The following GRHL1 variants were observed in gnomAD, a reference collection of about 807,000 sequenced individuals.
The protein encoded by GRHL1 is grainyhead-like protein 1 homolog.
Under a neutral mutation model 75.7 loss-of-function variants are expected in GRHL1, and 38 were observed. The ratio of observed to expected loss-of-function variants is 0.50; its 90% CI spans 0.39 to 0.66. The LOEUF (loss-of-function observed/expected upper bound fraction) is 0.66, where lower values mean the gene tolerates loss of function less well. GRHL1 is among the 30% of genes least tolerant of loss of function. The pLI, the probability that GRHL1 is intolerant of heterozygous loss-of-function variation, is 0.00. For missense variants in GRHL1, 589 were observed against 767.5 expected, an observed-to-expected ratio of 0.77 and a Z score of 2.75; for synonymous variants, 266 against 279.4, an observed-to-expected ratio of 0.95 and a Z score of 0.48.
At position 9,983,308 on chromosome 2, in the gene GRHL1, AT is replaced by A. The variant is rs5829242; in HGVS notation, c.1111-2806del. Among the ~76,000 whole-genome samples the A allele has an allele frequency of 2.0e-4, 30 of 147,620 alleles. No homozygotes were observed. The South Asian group carries it at 2.2e-3, about 11-fold the overall frequency. ...TGTGTATTTATCTAGGCAAGGTAGC[AT>A]TTTTTTTTTAATGCTGAATTAGGAC... On this transcript the variant is annotated intron_variant, in intron 8 of 15. Transcript: ENST00000324907.
At chr2:9,993,315 G>A (rs1668724200) in intron 12 of GRHL1, 71 bp downstream of exon 12, 1 of 1,262,814 alleles carries the variant, frequency 7.9e-7, no homozygotes, top group Non-Finnish European at 1.2e-6. Context: ...AAAACTGCAA[G>A]TACAGTACAA....
In GRHL1 at chr2:9,992,574, C is replaced by T. The variant is rs997195835; in HGVS notation, c.1461+428C>T. ...TCCAGTTACTGAGCCGTCCTTGCCA[C>T]GTGTAGTTACCAATGGCCATGTCTT... On this transcript the variant is annotated intron_variant, in intron 11 of 15. Coordinates refer to ENST00000324907, the MANE Select transcript of GRHL1 (RefSeq NM_198182.3). This position sits in a 1 kb window ranked among gnomAD's most constrained non-coding sequence, Gnocchi z 4.6. 3.3e-5 allele frequency among the ~76,000 whole-genome samples: 5 copies of T among 152,094 alleles called. No individual in the cohort carries two copies. The highest frequency in any genetic ancestry group is 7.3e-5 in the Non-Finnish European group (5 of 68,028).
chr2:9,973,645 T>C (rs1171370104), intron 8 of GRHL1, among the ~76,000 whole-genome samples: 2 of 152,252 alleles, frequency 1.3e-5, no homozygotes, highest in African/African-American at 2.4e-5. Flanking sequence ...ATTTTAATTT[T>C]GATTGTTAGA....
chr2:9,976,044 G>A (rs1478019704), intron 8 of GRHL1, among the ~76,000 whole-genome samples: 1 of 152,160 alleles, frequency 6.6e-6, no homozygotes, highest in African/African-American at 2.4e-5. Flanking sequence ...TATAAAAGTA[G>A]CACAAATACC....
Position 9,951,740 on chromosome 2 carries a change from C to A in GRHL1, c.-94C>A. ...CCCGTCGGGGCCGCCGCTCCGGACC[C>A]GCAGCCGCCGCCGCCGCCTCCTCCC... On this transcript the variant is annotated 5_prime_UTR_variant, in exon 1 of 16. Coordinates refer to ENST00000324907, the MANE Select transcript of GRHL1 (RefSeq NM_198182.3). The surrounding 1 kb of genome is among the most constrained non-coding windows in gnomAD (Gnocchi z 4.2). The A allele has an allele frequency of 1.6e-6, 2 of 1,229,206 alleles. No homozygotes were observed. The highest frequency in any genetic ancestry group is 2.2e-6 in the Non-Finnish European group (2 of 896,804). 76.1% of individuals were successfully genotyped at this position (1,229,206 alleles called of 1,614,324 possible).
At chr2:9,959,246 T>C (rs570321022) in intron 3 of GRHL1, 1 of 153,772 alleles carries the variant, frequency 6.5e-6, no homozygotes, top group African/African-American at 2.4e-5. Flanking sequence ...GCAAGTTAAA[T>C]TGTATTCAAA....
chr2:9,998,423 C>CGTGCGTGTGTGTGT (rs1553306759), intron 14 of GRHL1, among the ~76,000 whole-genome samples: 6 of 33,844 alleles, frequency 1.8e-4, no homozygotes, highest in African/African-American at 1.0e-3. Context: ...AGTGACTATG[C>CGTGCGTGTGTGTGT]ATGTGTGTGT....
intron 8 of GRHL1, among the ~76,000 whole-genome samples, chr2:9,980,486 G>T (rs1187617505): frequency 6.6e-6 from 1 of 152,094 alleles, no homozygotes; most frequent in African/African-American, 2.4e-5. Flanking sequence ...CAGGAATGAG[G>T]AACTGTCCTT....
At position 9,986,207 on chromosome 2, in the gene GRHL1, T is replaced by C; in HGVS notation, c.1194T>C (p.Asp398=). Residue 398 remains aspartate, a synonymous_variant, in exon 9 of 16, where the codon GAT becomes GAC. Coordinates refer to ENST00000324907, the MANE Select transcript of GRHL1 (RefSeq NM_198182.3). ...VKGLPLNIQV[D]TYSYNNRSNK... The stretch of plus-strand genomic sequence containing the variant: ...GGTTGCCTCTTAACATTCAAGTTGA[T>C]ACCTATAGTTACAACAACCGCAGCA... 6 of 1,613,470 alleles carry C rather than the reference T, an allele frequency of 3.7e-6. No homozygotes were observed. Among genetic ancestry groups the C allele is most frequent in the Non-Finnish European group, 5.1e-6 (6 of 1,179,520 alleles).
chr2:9,951,718 G>T lies in GRHL1; in HGVS notation c.-116G>T, dbSNP rs1246246542. ...AGAGCGAGAAAAGCAAACCCAACCCGTCGGGGCCGCCGCTCCGGACCCGCA... is the reference window on the plus strand; with the variant it reads ...AGAGCGAGAAAAGCAAACCCAACCCTTCGGGGCCGCCGCTCCGGACCCGCA... On this transcript the variant is annotated 5_prime_UTR_variant, in exon 1 of 16. Coordinates refer to ENST00000324907, the MANE Select transcript of GRHL1 (RefSeq NM_198182.3). The surrounding 1 kb of genome is among the most constrained non-coding windows in gnomAD (Gnocchi z 4.2). 1.5e-5 allele frequency: 15 copies of T among 985,784 alleles called. No homozygotes were observed. The East Asian group carries it at 5.3e-4, about 35-fold the overall frequency. The allele number at this position is 985,784 out of a possible 1,614,324, so 61.1% of individuals were successfully genotyped here. A position where few individuals can be genotyped will look rare whatever the true frequency, so the allele number is the denominator to read the frequency against.
intron 8 of GRHL1, among the ~76,000 whole-genome samples, chr2:9,985,352 A>G (rs1668370195): frequency 6.6e-6 from 1 of 152,170 alleles, no homozygotes; most frequent in Non-Finnish European, 1.5e-5. Flanking sequence ...GTGTTTAGTG[A>G]TCGTTAAGTT....
intron 8 of GRHL1, among the ~76,000 whole-genome samples, chr2:9,972,620 C>G (rs79166687): frequency 6.6e-6 from 1 of 152,208 alleles, no homozygotes; most frequent in African/African-American, 2.4e-5. Flanking sequence ...TGGAAGGCAG[C>G]CTGCCCGCCA....
In GRHL1 at chr2:9,996,362, G is replaced by C; in HGVS notation, c.1638G>C (p.Leu546=). 6.2e-7 allele frequency: 1 copy of C among 1,613,096 alleles called. No individual in the cohort carries two copies. Among genetic ancestry groups the C allele is most frequent in the South Asian group, 1.1e-5 (1 of 91,048 alleles). The change falls in exon 14 of 16, where the codon CTG becomes CTC. Residue 546 remains leucine, a synonymous_variant. Transcript: ENST00000324907. ...RKESEEVFDA[L]MLKTPSLKGL... ...AGTCAGAAGAAGTCTTTGATGCCCTGATGCTCAAAACCCCATCTTTGAAGG... is the reference window on the plus strand; with the variant it reads ...AGTCAGAAGAAGTCTTTGATGCCCTCATGCTCAAAACCCCATCTTTGAAGG...
At chr2:9,964,126 C>T in intron 6 of GRHL1, 84 bp downstream of exon 6, 1 of 1,384,510 alleles carries the variant, frequency 7.2e-7, no homozygotes, top group Non-Finnish European at 1.0e-6. Flanking sequence ...TGAATGACCG[C>T]CTGAAATTGC....
At chr2:9,998,013 T>C (rs1668948385) in intron 14 of GRHL1, among the ~76,000 whole-genome samples, 1 of 152,104 alleles carries the variant, frequency 6.6e-6, no homozygotes, top group Non-Finnish European at 1.5e-5. Flanking sequence ...AAAAAGGGTT[T>C]GTGTGGTGAG....
At chr2:9,989,239 A>G (rs1326235454) in intron 9 of GRHL1, among the ~76,000 whole-genome samples, 1 of 152,212 alleles carries the variant, frequency 6.6e-6, no homozygotes, top group Non-Finnish European at 1.5e-5. Flanking sequence ...TAATAAGATC[A>G]GTGGGATTTT....
At chr2:9,957,104 G>C (rs1276702265) in intron 2 of GRHL1, among the ~76,000 whole-genome samples, 1 of 151,146 alleles carries the variant, frequency 6.6e-6, no homozygotes, top group Non-Finnish European at 1.5e-5. Flanking sequence ...GGGGTTGACT[G>C]ATTCTCCTGC....
rs530593074 is a variant in GRHL1, at chr2:9,960,456, A to T, written c.279-590A>T. 5.2e-3 allele frequency: 695 copies of T among 134,418 alleles called. 2 individuals carry two copies. Among genetic ancestry groups the T allele is most frequent in the Non-Finnish European group, 7.7e-3 (498 of 64,992 alleles). 8.3% of individuals were successfully genotyped at this position (134,418 alleles called of 1,614,324 possible). A position where few individuals can be genotyped will look rare whatever the true frequency, so the allele number is the denominator to read the frequency against. Reference sequence around the variant, plus strand: ...CTCTGTCTCAAAAAAATAAAAAATTAAAAAAAAAAAAAGGAGAAAGCCAAA... The same window carrying T: ...CTCTGTCTCAAAAAAATAAAAAATTTAAAAAAAAAAAAGGAGAAAGCCAAA... On this transcript the variant is annotated intron_variant, in intron 3 of 15. Transcript: ENST00000324907.
chr2:9,992,084 G>A lies in GRHL1; in HGVS notation c.1399G>A (p.Asp467Asn), dbSNP rs775152475. 1.7e-5 allele frequency: 27 copies of A among 1,613,164 alleles called. No individual in the cohort carries two copies. The highest frequency in any genetic ancestry group is 2.7e-5 in the African/African-American group (2 of 74,728). The change falls in exon 11 of 16, where the codon GAT becomes AAT. Residue 467 changes from aspartate to asparagine, a missense_variant. This residue lies in a region of GRHL1 where 192 missense variants were observed against 226.6 expected (regional missense o/e 0.85). Coordinates refer to ENST00000324907, the MANE Select transcript of GRHL1 (RefSeq NM_198182.3). The surrounding 1 kb of genome is among the most constrained non-coding windows in gnomAD (Gnocchi z 4.6). ...AGTTTTCAAACCCTTCATTGATCTC[G>A]ATACTCAGCCTGTCCTCTTCATTCC... Reference protein sequence around the residue: ...ITVFKPFIDLDTQPVLFIPDV... With the variant: ...ITVFKPFIDLNTQPVLFIPDV...
Sources: allele counts gnomAD v4.1 joint callset (sites outside exome capture counted in the v4.1 genomes callset), GRCh38; gene constraint gnomAD v4.1.1; regional missense constraint gnomAD v4.1.1; non-coding constraint Gnocchi (gnomAD v3.1); transcripts MANE v1.5; gene names NCBI Gene and HGNC (gene_info 2026-07-23, HGNC 2026-07-21).